Variants in EHMT1 observed in about 807,000 individuals in gnomAD.
EHMT1 encodes the protein histone-lysine N-methyltransferase EHMT1.
EHMT1 carries 15 observed loss-of-function variants against 147.2 expected under a neutral mutation model. The observed-to-expected ratio is 0.10, with a 90% CI of 0.07 to 0.16. The LOEUF (loss-of-function observed/expected upper bound fraction) is 0.16, where lower values mean the gene tolerates loss of function less well. EHMT1 is among the 10% of genes least tolerant of loss of function. EHMT1 has a pLI of 1.00. For synonymous variants in EHMT1, 795 were observed against 709.6 expected (o/e 1.12, Z -1.91); for missense variants, 1,587 against 1,772.4 (o/e 0.90, Z 1.88).
intron 1 of EHMT1, chr9:137,675,223 A>G (rs1223946352): frequency 6.6e-6 from 1 of 152,214 alleles, no homozygotes; most frequent in African/African-American, 2.4e-5. Context: ...TAAGGTCACA[A>G]TTTTAGAAAG....
intron 1 of EHMT1, among the ~76,000 whole-genome samples, chr9:137,653,504 A>C (rs1043975262): frequency 6.6e-6 from 1 of 152,094 alleles, no homozygotes; most frequent in Non-Finnish European, 1.5e-5. Flanking sequence ...GGCACACGGG[A>C]AGACTAAGGG....
intron 9 of EHMT1, among the ~76,000 whole-genome samples, chr9:137,759,844 G>T (rs1949668284): frequency 6.6e-6 from 1 of 152,244 alleles, no homozygotes; most frequent in Non-Finnish European, 1.5e-5. Flanking sequence ...GACCTGGGTG[G>T]TGTGTGTTTC....
At position 137,742,621 on chromosome 9, in the gene EHMT1, G is replaced by A. The variant is rs1230304070; in HGVS notation, c.824-750G>A. ...GAACTGCTTTGTTCAGAATGGGGTT[G>A]GGAGCCCCCAGGCCCCTTCCTCGCT... On this transcript the variant is annotated intron_variant, in intron 4 of 26. Transcript: ENST00000460843. Among the ~76,000 whole-genome samples, 3 of 152,014 alleles carry A rather than the reference G, an allele frequency of 2.0e-5. 1 individual carries two copies. The East Asian group carries it at 5.8e-4, about 29-fold the overall frequency.
intron 1 of EHMT1, among the ~76,000 whole-genome samples, chr9:137,665,686 G>T (rs936468630): frequency 3.3e-5 from 5 of 152,228 alleles, no homozygotes; most frequent in African/African-American, 1.2e-4. Context: ...TTGCTTTGTG[G>T]GATGAGCTGT....
At chr9:137,648,419 C>T (rs569921625) in intron 1 of EHMT1, among the ~76,000 whole-genome samples, 1 of 147,298 alleles carries the variant, frequency 6.8e-6, no homozygotes, top group East Asian at 2.0e-4. Context: ...CTTTGGGAGG[C>T]TGAGGTGGGA....
chr9:137,697,568 CTT>C (rs963581682), intron 1 of EHMT1, among the ~76,000 whole-genome samples: 1 of 150,632 alleles, frequency 6.6e-6, no homozygotes, highest in Non-Finnish European at 1.5e-5. Context: ...TAGAAGGACA[CTT>C]TTTGTGGTTA....
intron 18 of EHMT1, chr9:137,802,894 A>G: frequency 1.6e-6 from 2 of 1,232,244 alleles, no homozygotes; most frequent in Non-Finnish European, 1.0e-6. Context: ...CTGAGCCGGC[A>G]GAAGGAAGAG....
chr9:137,789,819 T>G (rs997128058), intron 15 of EHMT1, among the ~76,000 whole-genome samples: 1 of 152,252 alleles, frequency 6.6e-6, no homozygotes, highest in Non-Finnish European at 1.5e-5. Context: ...AACCTCTGCC[T>G]CCCAGGTTCA....
At chr9:137,792,741 T>A (rs1394484775) in intron 16 of EHMT1, among the ~76,000 whole-genome samples, 2 of 152,138 alleles carry the variant, frequency 1.3e-5, no homozygotes, top group Non-Finnish European at 2.9e-5. Context: ...GAAAGGCCCG[T>A]ACTTAAGAGC....
chr9:137,720,392 C>A (rs1490066638), intron 3 of EHMT1, among the ~76,000 whole-genome samples: 5 of 152,140 alleles, frequency 3.3e-5, no homozygotes, highest in African/African-American at 1.2e-4. Flanking sequence ...CAACCTCTGC[C>A]TCCCAGGCTG....
chr9:137,652,958 C>T (rs1195693348), intron 1 of EHMT1, among the ~76,000 whole-genome samples: 1 of 151,720 alleles, frequency 6.6e-6, no homozygotes, highest in Non-Finnish European at 1.5e-5. Context: ...GAACTCCTGA[C>T]CTCAGGTGAT....
intron 1 of EHMT1, among the ~76,000 whole-genome samples, chr9:137,671,834 C>A (rs1467730808): frequency 1.3e-5 from 2 of 152,164 alleles, no homozygotes; most frequent in African/African-American, 2.4e-5. Flanking sequence ...GGGCCTGAAT[C>A]CTATACTTGG....
rs560229875 is a variant in EHMT1 at position 137,797,763 on chromosome 9, C to T, written c.2506-1050C>T. 9.9e-5 allele frequency among the ~76,000 whole-genome samples: 15 copies of T among 152,040 alleles called. 1 individual carries two copies. In the South Asian group the frequency reaches 3.1e-3, roughly 32 times the overall value. ...AAACTCTATGACTGCTACACGGACT[C>T]CACCGAGATAAGGGGAGAAAGGTAA... is the stretch of plus-strand genomic sequence containing the variant. On this transcript the variant is annotated intron_variant, in intron 16 of 26. Coordinates refer to ENST00000460843, the MANE Select transcript of EHMT1 (RefSeq NM_024757.5).
chr9:137,619,022 C>T lies in EHMT1; in HGVS notation c.-7C>T. ...GGAGGGGCGGGGCCACGCTGCGGGCCCGGGCCATGGCCGCCGCCGATGCCG... is the reference window on the plus strand; with the variant it reads ...GGAGGGGCGGGGCCACGCTGCGGGCTCGGGCCATGGCCGCCGCCGATGCCG... On this transcript the variant is annotated 5_prime_UTR_variant, in exon 1 of 27. Coordinates refer to ENST00000460843, the MANE Select transcript of EHMT1 (RefSeq NM_024757.5). 1.0e-6 allele frequency: 1 copy of T among 972,760 alleles called. No individual in the cohort carries two copies. The highest frequency in any genetic ancestry group is 1.2e-6 in the Non-Finnish European group (1 of 820,086). The allele number at this position is 972,760 out of a possible 1,614,324, so 60.3% of individuals were successfully genotyped here.
chr9:137,713,332 C>T (rs561180737), intron 2 of EHMT1, among the ~76,000 whole-genome samples: 4 of 146,914 alleles, frequency 2.7e-5, no homozygotes, highest in South Asian at 2.2e-4. Flanking sequence ...TGCAGTGGCA[C>T]GATCTCGGCT....
intron 9 of EHMT1, among the ~76,000 whole-genome samples, chr9:137,758,853 C>T (rs1317911475): frequency 6.6e-6 from 1 of 152,064 alleles, no homozygotes; most frequent in African/African-American, 2.4e-5. Context: ...TCCGGCTGGG[C>T]GCGGTGGCTC....
intron 2 of EHMT1, among the ~76,000 whole-genome samples, chr9:137,715,046 A>AT (rs1945089372): frequency 6.6e-6 from 1 of 152,204 alleles, no homozygotes. Context: ...GTTGATATAA[A>AT]TAAATGTCTT....
chr9:137,827,043 G>A (rs1300368321), intron 25 of EHMT1, among the ~76,000 whole-genome samples: 2 of 152,210 alleles, frequency 1.3e-5, no homozygotes, highest in African/African-American at 4.8e-5. Context: ...CCACACGTCT[G>A]TGCTGTGCCT....
chr9:137,675,957 G>A (rs1941255943), intron 1 of EHMT1: 1 of 150,348 alleles, frequency 6.7e-6, no homozygotes, highest in Non-Finnish European at 1.5e-5. Context: ...CTAATTTTTT[G>A]TATTTTTAGT....
Sources: allele counts gnomAD v4.1 joint callset (sites outside exome capture counted in the v4.1 genomes callset), GRCh38; gene constraint gnomAD v4.1.1; transcripts MANE v1.5; gene names NCBI Gene and HGNC (gene_info 2026-07-23, HGNC 2026-07-21).